DTNA: variants seen among roughly 807,000 people sequenced by gnomAD.
The protein encoded by DTNA is dystrobrevin alpha.
In DTNA, 43 loss-of-function variants were observed where a neutral mutation model predicts 100.7. The ratio of observed to expected loss-of-function variants is 0.43; its 90% CI spans 0.33 to 0.55. DTNA has a LOEUF of 0.55. DTNA is among the 20% of genes least tolerant of loss of function. The pLI, the probability that DTNA is intolerant of heterozygous loss-of-function variation, is 0.04. For synonymous variants in DTNA, 349 were observed against 347.9 expected (o/e 1.00, Z -0.04); for missense variants, 798 against 953.9 (o/e 0.84, Z 2.15).
At chr18:34,839,733 T>C (rs2096232503) in intron 13 of DTNA, among the ~76,000 whole-genome samples, 1 of 152,200 alleles carries the variant, frequency 6.6e-6, no homozygotes, top group Admixed American at 6.5e-5. Flanking sequence ...TTACAATTAT[T>C]AAGAAAGCCA....
At chr18:34,639,806 A>G (rs2059071110) in intron 1 of DTNA, among the ~76,000 whole-genome samples, 1 of 152,184 alleles carries the variant, frequency 6.6e-6, no homozygotes, top group South Asian at 2.1e-4. Context: ...TTCTGCTCCC[A>G]TGGAGTCTTA....
chr18:34,665,889 G>T (rs964916590), intron 1 of DTNA, among the ~76,000 whole-genome samples: 2 of 152,150 alleles, frequency 1.3e-5, no homozygotes, highest in Non-Finnish European at 2.9e-5. Context: ...ACATACGTGT[G>T]CATGTGTCTT....
intron 1 of DTNA, among the ~76,000 whole-genome samples, chr18:34,496,196 C>T (rs945221327): frequency 4.7e-5 from 5 of 106,204 alleles, no homozygotes; most frequent in African/African-American, 1.6e-4. Flanking sequence ...TTAACCATCC[C>T]CTCCCTGCAA....
At chr18:34,683,792 A>G (rs1275170821) in intron 1 of DTNA, 1 of 152,220 alleles carries the variant, frequency 6.6e-6, no homozygotes, top group Non-Finnish European at 1.5e-5. Context: ...AATTCTAATC[A>G]TTAACATTTT....
chr18:34,747,942 G>T (rs1235464879), intron 1 of DTNA, among the ~76,000 whole-genome samples: 2 of 152,174 alleles, frequency 1.3e-5, no homozygotes, highest in South Asian at 2.1e-4. Context: ...GTGTAAAATT[G>T]TTCCCTTTCA....
intron 3 of DTNA, among the ~76,000 whole-genome samples, chr18:34,782,296 C>T (rs769769525): frequency 6.6e-6 from 1 of 152,144 alleles, no homozygotes; most frequent in African/African-American, 2.4e-5. Flanking sequence ...TTTACCCCCA[C>T]GTATCTTCTG....
At chr18:34,833,610 C>T (rs1213904778) in intron 11 of DTNA, among the ~76,000 whole-genome samples, 1 of 152,076 alleles carries the variant, frequency 6.6e-6, no homozygotes, top group Non-Finnish European at 1.5e-5. Context: ...GCCATGCCCT[C>T]AAAGGTATGG....
upstream of DTNA, among the ~76,000 whole-genome samples, chr18:34,706,155 T>C (rs1473616238): frequency 6.6e-6 from 1 of 151,934 alleles, no homozygotes; most frequent in African/African-American, 2.4e-5. Context: ...TCCATGTTGG[T>C]CAGGCTGGTC....
intron 7 of DTNA, 78 bp downstream of exon 7, chr18:34,816,092 A>G: frequency 2.1e-6 from 3 of 1,438,352 alleles, no homozygotes; most frequent in Non-Finnish European, 2.9e-6. Flanking sequence ...TAGTAAGCCC[A>G]GGCTGTTGTT....
chr18:34,622,121 T>A (rs958535352), intron 1 of DTNA, among the ~76,000 whole-genome samples: 7 of 152,196 alleles, frequency 4.6e-5, no homozygotes, highest in South Asian at 2.1e-4. Context: ...TGAAAATTGC[T>A]AAGAGAGTAA....
At chr18:34,655,606 T>C (rs992044941) in intron 1 of DTNA, among the ~76,000 whole-genome samples, 1 of 152,252 alleles carries the variant, frequency 6.6e-6, no homozygotes, top group African/African-American at 2.4e-5. Context: ...AGAAATTATA[T>C]GGATATTAAT....
chr18:34,539,524 A>G (rs2044046460), intron 1 of DTNA, among the ~76,000 whole-genome samples: 2 of 151,982 alleles, frequency 1.3e-5, no homozygotes, highest in Non-Finnish European at 2.9e-5. Context: ...GTCAGGAATC[A>G]GAGGTTCCAG....
intron 13 of DTNA, 135 bp from the exon 14 acceptor site, chr18:34,848,161 T>C (rs948728613): frequency 1.3e-6 from 1 of 785,378 alleles, no homozygotes; most frequent in Non-Finnish European, 2.2e-6. Flanking sequence ...GAGATTGTTA[T>C]TCTAACAGGG....
At chr18:34,543,682 T>C (rs928221876) in intron 1 of DTNA, among the ~76,000 whole-genome samples, 4 of 152,118 alleles carry the variant, frequency 2.6e-5, no homozygotes. Flanking sequence ...CAAATAAGCA[T>C]TTATTAATTC....
At chr18:34,810,564 G>GAGAGGTTA (rs1325382903) in intron 5 of DTNA, among the ~76,000 whole-genome samples, 1 of 152,054 alleles carries the variant, frequency 6.6e-6, no homozygotes, top group African/African-American at 2.4e-5. Flanking sequence ...GGGGGATAGG[G>GAGAGGTTA]AGAGGTTAGC....
At chr18:34,525,245 A>G (rs2042505126) in intron 1 of DTNA, among the ~76,000 whole-genome samples, 1 of 152,098 alleles carries the variant, frequency 6.6e-6, no homozygotes, top group Admixed American at 6.6e-5. Context: ...CCAGAGGTTC[A>G]GGGAGATCCA....
chr18:34,595,382 C>CA (rs113504077), intron 1 of DTNA, among the ~76,000 whole-genome samples: 7,404 of 143,116 alleles, frequency 0.052, 244 homozygotes, highest in Non-Finnish European at 0.073. Context: ...TTCAGTGTGT[C>CA]AAAAAAAAAC....
Position 34,818,202 on chromosome 18 carries a change from A to C in DTNA, c.748A>C (p.Ser250Arg). ...PVECSYCHSESMMGFRYRCQQ... is the reference protein window; with the variant it reads ...PVECSYCHSERMMGFRYRCQQ... ...TGAGTGTTCCTACTGCCACAGTGAG[A>C]GTATGATGGGATTTCGCTACCGATG... The change falls in exon 8 of 23, where the codon AGT becomes CGT. Residue 250 changes from serine (S) to arginine (R), a missense_variant. This residue lies in a region of DTNA where 81 missense variants were observed against 153.5 expected (regional missense o/e 0.53). Transcript: ENST00000444659. The C allele has an allele frequency of 6.2e-7, 1 of 1,613,966 alleles. No individual in the cohort carries two copies.
intron 10 of DTNA, 75 bp downstream of exon 10, chr18:34,827,751 C>T: frequency 4.9e-6 from 7 of 1,435,196 alleles, no homozygotes; most frequent in Non-Finnish European, 6.9e-6. Context: ...GAAAAATATT[C>T]TCATGCAAGC....
Sources: gnomAD v4.1 joint callset for allele counts (sites outside exome capture counted in the v4.1 genomes callset) on GRCh38, gnomAD v4.1.1 for gene constraint, gnomAD v4.1.1 regional missense constraint, MANE v1.5 for transcripts, NCBI Gene and HGNC (gene_info 2026-07-23, HGNC 2026-07-21) for gene names.